Variants in LRRC8C observed in about 807,000 individuals in gnomAD.
LRRC8C encodes volume-regulated anion channel subunit LRRC8C.
A neutral mutation model predicts 55.3 loss-of-function variants in LRRC8C; 20 were observed. The ratio of observed to expected loss-of-function variants is 0.36; its 90% confidence interval spans 0.25 to 0.53. The LOEUF (loss-of-function observed/expected upper bound fraction) is 0.53. Ranked by LOEUF, LRRC8C falls within the 20% of genes least tolerant of loss-of-function variation. The pLI, the probability that LRRC8C is intolerant of heterozygous loss-of-function variation, is 0.92. For missense variants in LRRC8C, 659 were observed against 951.4 expected, an observed-to-expected ratio of 0.69 and a Z score of 4.04; for synonymous variants, 376 against 360.7, an observed-to-expected ratio of 1.04 and a Z score of -0.48.
At chr1:89,688,798 T>A (rs1161499225) in intron 2 of LRRC8C, among the ~76,000 whole-genome samples, 1 of 152,224 alleles carries the variant, frequency 6.6e-6, no homozygotes, top group African/African-American at 2.4e-5. Context: ...TGGTCAACTG[T>A]TTCTGGGCTG....
At chr1:89,693,646 C>CTTTTTTTTTTT (rs35427989) in intron 2 of LRRC8C, among the ~76,000 whole-genome samples, 4 of 82,696 alleles carry the variant, frequency 4.8e-5, no homozygotes, top group African/African-American at 5.5e-5. Flanking sequence ...TCTTTTCTTC[C>CTTTTTTTTTTT]TTTTTTTTTT....
intron 1 of LRRC8C, among the ~76,000 whole-genome samples, chr1:89,643,994 T>A (rs1051728622): frequency 6.6e-6 from 1 of 152,198 alleles, no homozygotes; most frequent in African/African-American, 2.4e-5. Flanking sequence ...AACCTACAAA[T>A]GCACTGAAAT....
chr1:89,709,583 G>T (rs746040580), intron 2 of LRRC8C, among the ~76,000 whole-genome samples: 1 of 152,224 alleles, frequency 6.6e-6, no homozygotes, highest in East Asian at 1.9e-4. Flanking sequence ...GAGCAAGCCC[G>T]GGGGAGGGTT....
At chr1:89,684,899 A>G (rs2101277895) in intron 1 of LRRC8C, among the ~76,000 whole-genome samples, 1 of 152,294 alleles carries the variant, frequency 6.6e-6, no homozygotes, top group East Asian at 1.9e-4. Flanking sequence ...CATAGATGTC[A>G]AGTAGGTAGG....
chr1:89,617,628 T>C, the LRRC8C span, among the ~76,000 whole-genome samples: 1 of 152,178 alleles, frequency 6.6e-6, no homozygotes, highest in Admixed American at 6.5e-5. Flanking sequence ...TCAACTGAAT[T>C]CTGACACTAA....
the LRRC8C span, among the ~76,000 whole-genome samples, chr1:89,623,891 G>A: frequency 6.6e-6 from 1 of 152,132 alleles, no homozygotes; most frequent in African/African-American, 2.4e-5. Context: ...AAATGTGGAG[G>A]GTCTGAAATT....
At chr1:89,712,200 C>T (rs1386867849) in intron 2 of LRRC8C, among the ~76,000 whole-genome samples, 4 of 152,190 alleles carry the variant, frequency 2.6e-5, no homozygotes, top group Non-Finnish European at 4.4e-5. Context: ...GCAACCTCCA[C>T]CTCCTGGGTT....
chr1:89,672,408 C>T (rs141967998), intron 1 of LRRC8C, among the ~76,000 whole-genome samples: 40 of 152,326 alleles, frequency 2.6e-4, no homozygotes, highest in African/African-American at 9.4e-4. Context: ...GATTATGTCT[C>T]TCTTACTCAT....
intron 2 of LRRC8C, among the ~76,000 whole-genome samples, chr1:89,706,621 G>A (rs1051205840): frequency 6.6e-6 from 1 of 152,114 alleles, no homozygotes; most frequent in African/African-American, 2.4e-5. Context: ...AATAGAGCAT[G>A]CACATACTCC....
intron 1 of LRRC8C, among the ~76,000 whole-genome samples, chr1:89,655,070 C>G (rs921900468): frequency 7.2e-5 from 11 of 152,028 alleles, no homozygotes; most frequent in African/African-American, 2.7e-4. Flanking sequence ...TTCTTGCACT[C>G]TCTTCTTGAT....
chr1:89,633,643 G>T (rs1280103258), intron 1 of LRRC8C, among the ~76,000 whole-genome samples: 1 of 151,904 alleles, frequency 6.6e-6, no homozygotes, highest in Non-Finnish European at 1.5e-5. Flanking sequence ...GTGGGGGGGC[G>T]GTCCGCGAGG....
At chr1:89,619,555 A>G in the LRRC8C span, among the ~76,000 whole-genome samples, 1 of 150,868 alleles carries the variant, frequency 6.6e-6, no homozygotes, top group Non-Finnish European at 1.5e-5. Flanking sequence ...CACTTTTTAA[A>G]CATTTTATTA....
intron 1 of LRRC8C, among the ~76,000 whole-genome samples, chr1:89,640,956 C>T (rs1265586590): frequency 6.6e-6 from 1 of 152,120 alleles, no homozygotes; most frequent in East Asian, 1.9e-4. Flanking sequence ...AAGGAAAGCA[C>T]AGGGTGGTAC....
In LRRC8C at chr1:89,686,349, T is replaced by C. The variant is rs1657882860; in HGVS notation, c.-4-121T>C. ...AGTGGCTCATCAAAACATTGATGTG[T>C]CTTGACAGCTCTTGAACTAATTCAG... On this transcript the variant is annotated intron_variant, in intron 1 of 2. Coordinates refer to ENST00000370454, the MANE Select transcript of LRRC8C (RefSeq NM_032270.5). The C allele has an allele frequency of 7.2e-6, 7 of 975,980 alleles. No individual in the cohort carries two copies. In the South Asian group the frequency reaches 1.1e-4, roughly 16 times the overall value. 60.5% of individuals were successfully genotyped at this position (975,980 alleles called of 1,614,324 possible). A position where few individuals can be genotyped will look rare whatever the true frequency, so the allele number is the denominator to read the frequency against.
rs545034093 is a variant in LRRC8C, at chr1:89,649,923, A to G, written c.-5+16601A>G. On this transcript the variant is annotated intron_variant, in intron 1 of 2. Transcript: ENST00000370454. ...TCATTTGTTTAATGAGATGTTCTTC[A>G]AAACACAGGACAAACTTTTGTGACC... 2.6e-5 allele frequency among the ~76,000 whole-genome samples: 4 copies of G among 152,324 alleles called. No individual in the cohort carries two copies. In the South Asian group the frequency reaches 6.2e-4, roughly 24 times the overall value.
chr1:89,661,652 A>G (rs2101215409), intron 1 of LRRC8C, among the ~76,000 whole-genome samples: 1 of 152,324 alleles, frequency 6.6e-6, no homozygotes, highest in Non-Finnish European at 1.5e-5. Context: ...CATTTTGCAA[A>G]TTGGGCAAAA....
At chr1:89,708,959 T>A (rs1208058802) in intron 2 of LRRC8C, among the ~76,000 whole-genome samples, 2 of 152,234 alleles carry the variant, frequency 1.3e-5, no homozygotes, top group Non-Finnish European at 2.9e-5. Flanking sequence ...TTTTTTTTTC[T>A]ACTCAGCGCT....
chr1:89,637,988 C>T (rs759810957), intron 1 of LRRC8C, among the ~76,000 whole-genome samples: 6 of 151,942 alleles, frequency 3.9e-5, no homozygotes, highest in African/African-American at 7.3e-5. Context: ...CAAGGTGATA[C>T]GGGTTCAGAA....
At position 89,675,854 on chromosome 1, in the gene LRRC8C, G is replaced by T. The variant is rs143009171; in HGVS notation, c.-4-10616G>T. 3.4e-3 allele frequency among the ~76,000 whole-genome samples: 514 copies of T among 152,230 alleles called. 3 individuals are homozygous for T. The highest frequency in any genetic ancestry group is 0.012 in the African/African-American group (493 of 41,534). ...CTGGAGTGAAGAGGTGACTAAGAAG[G>T]CCAGTAAGATGCAGAGAGCTGAGCC... is the stretch of plus-strand genomic sequence containing the variant. On this transcript the variant is annotated intron_variant, in intron 1 of 2. Coordinates refer to ENST00000370454, the MANE Select transcript of LRRC8C (RefSeq NM_032270.5).
Sources: gnomAD v4.1 joint callset for allele counts (sites outside exome capture counted in the v4.1 genomes callset) on GRCh38, gnomAD v4.1.1 for gene constraint, MANE v1.5 for transcripts, NCBI Gene and HGNC (gene_info 2026-07-23, HGNC 2026-07-21) for gene names.